Variants in NR5A2 observed in about 807,000 individuals in gnomAD.
The protein encoded by NR5A2 is nuclear receptor subfamily 5 group A member 2.
NR5A2 carries 26 observed loss-of-function variants against 62.7 expected under a neutral mutation model. That is an observed-to-expected ratio of 0.41 (90% CI 0.30 to 0.58). The LOEUF is 0.58. Ranked by LOEUF, NR5A2 falls within the 20% of genes least tolerant of loss-of-function variation. The probability of loss-of-function intolerance (pLI) is 0.22; values close to 1 mark genes in which losing one functional copy is unlikely to be tolerated. For synonymous variants in NR5A2, 246 were observed against 241.7 expected, an observed-to-expected ratio of 1.02 and a Z score of -0.16; for missense variants, 541 against 669.1, an observed-to-expected ratio of 0.81 and a Z score of 2.11.
intron 7 of NR5A2, among the ~76,000 whole-genome samples, chr1:200,124,160 T>G (rs1196638995): frequency 6.6e-6 from 1 of 152,056 alleles, no homozygotes; most frequent in East Asian, 1.9e-4. Flanking sequence ...ACAAACCAGT[T>G]ATAGGTTTCA....
intron 1 of NR5A2, chr1:200,029,084 T>C: frequency 2.2e-6 from 1 of 446,396 alleles, no homozygotes; most frequent in Non-Finnish European, 4.5e-6. Context: ...CACACAACCA[T>C]TTCGCATCTT....
At chr1:200,104,489 T>A (rs1665548504) in intron 5 of NR5A2, among the ~76,000 whole-genome samples, 1 of 152,196 alleles carries the variant, frequency 6.6e-6, no homozygotes, top group Admixed American at 6.5e-5. Context: ...GTTTTAATTT[T>A]TCTCTCCCCT....
At chr1:200,164,867 GTTTTTTTT>G (rs56818276) in intron 7 of NR5A2, among the ~76,000 whole-genome samples, 4 of 63,896 alleles carry the variant, frequency 6.3e-5, no homozygotes, top group Admixed American at 3.7e-4. Context: ...TTTTAGAGCA[GTTTTTTTT>G]TTTTTTTTTT....
At chr1:200,148,259 A>G in intron 7 of NR5A2, 1 of 209,866 alleles carries the variant, frequency 4.8e-6, no homozygotes, top group Non-Finnish European at 1.0e-5. Flanking sequence ...CGGCCACAGC[A>G]TTCCCTCGGA....
At chr1:200,096,926 C>G (rs1328029443) in intron 5 of NR5A2, among the ~76,000 whole-genome samples, 1 of 152,170 alleles carries the variant, frequency 6.6e-6, no homozygotes, top group African/African-American at 2.4e-5. Flanking sequence ...TAGGTTCACT[C>G]TCTGCTGTTC....
At chr1:200,126,036 C>T (rs1016359083) in intron 7 of NR5A2, among the ~76,000 whole-genome samples, 1 of 152,052 alleles carries the variant, frequency 6.6e-6, no homozygotes, top group Non-Finnish European at 1.5e-5. Context: ...TTTATAGAGA[C>T]AGGGTCTCAC....
chr1:200,169,502 G>A (rs1434203282), intron 7 of NR5A2, among the ~76,000 whole-genome samples: 3 of 152,172 alleles, frequency 2.0e-5, no homozygotes, highest in African/African-American at 7.2e-5. Context: ...TTCCTCTTCA[G>A]AGAGAGCCTG....
Position 200,147,440 on chromosome 1 carries a change from C to A in NR5A2, c.1378+26485C>A. The A allele has an allele frequency of 1.9e-6, 1 of 520,234 alleles. No homozygotes were observed. Among genetic ancestry groups the A allele is most frequent in the Non-Finnish European group, 3.7e-6 (1 of 269,266 alleles). 32.2% of individuals were successfully genotyped at this position (520,234 alleles called of 1,614,324 possible). A position where few individuals can be genotyped will look rare whatever the true frequency, so the allele number is the denominator to read the frequency against. On this transcript the variant is annotated intron_variant, in intron 7 of 7. Coordinates refer to ENST00000367362, the MANE Select transcript of NR5A2 (RefSeq NM_205860.3). The surrounding 1 kb of genome is among the most constrained non-coding windows in gnomAD (Gnocchi z 4.9). ...GCAGGCAGCTTATCTGTTTATGGGG[C>A]TGCCTCCTCCAGTACACGGAGAGCT...
At chr1:200,107,163 T>C (rs555440279) in intron 5 of NR5A2, among the ~76,000 whole-genome samples, 1 of 106,706 alleles carries the variant, frequency 9.4e-6, no homozygotes, top group Non-Finnish European at 1.9e-5. Context: ...CCTGTAAAGA[T>C]TGTCATTAAT....
chr1:200,083,631 ATATACAGTAT>A (rs201449315), intron 5 of NR5A2, among the ~76,000 whole-genome samples: 13,406 of 125,024 alleles, frequency 0.11, 686 homozygotes, highest in East Asian at 0.18. Flanking sequence ...AAGTATATAT[ATATACAGTAT>A]TGTACAGTAT....
intron 7 of NR5A2, among the ~76,000 whole-genome samples, chr1:200,159,796 C>T (rs1040239577): frequency 1.3e-5 from 2 of 151,686 alleles, no homozygotes; most frequent in Non-Finnish European, 2.9e-5. Context: ...GAATTACAGG[C>T]GCGAGCCACC....
intron 5 of NR5A2, among the ~76,000 whole-genome samples, chr1:200,082,321 A>G (rs1278031378): frequency 6.6e-6 from 1 of 152,226 alleles, no homozygotes; most frequent in Admixed American, 6.5e-5. Flanking sequence ...TTATGATCAT[A>G]TTTTTGTATA....
chr1:200,092,141 C>G (rs1664847440), intron 5 of NR5A2, among the ~76,000 whole-genome samples: 1 of 152,166 alleles, frequency 6.6e-6, no homozygotes, highest in Admixed American at 6.5e-5. Flanking sequence ...GGGTTTCCTG[C>G]ATAGACACAT....
In NR5A2 at chr1:200,048,072, C is replaced by A. The variant is rs1662455500; in HGVS notation, c.464-100C>A. The A allele has an allele frequency of 8.7e-7, 1 of 1,143,350 alleles. No homozygotes were observed. The highest frequency in any genetic ancestry group is 1.2e-6 in the Non-Finnish European group (1 of 802,908). The allele number at this position is 1,143,350 out of a possible 1,614,324, so 70.8% of individuals were successfully genotyped here. A position where few individuals can be genotyped will look rare whatever the true frequency, so the allele number is the denominator to read the frequency against. ...TGTAACGAAAACAACCACACACATA[C>A]CACTTCTTGTCGATTTACATTTCTA... On this transcript the variant is annotated intron_variant, in intron 4 of 7. Transcript: ENST00000367362. This position sits in a 1 kb window ranked among gnomAD's most constrained non-coding sequence, Gnocchi z 4.8.
chr1:200,101,417 G>A (rs1665360172), intron 5 of NR5A2, among the ~76,000 whole-genome samples: 1 of 152,132 alleles, frequency 6.6e-6, no homozygotes, highest in Non-Finnish European at 1.5e-5. Flanking sequence ...CAGGGGCTAG[G>A]TAGGCTATGA....
At chr1:200,059,101 C>A (rs1663067922) in intron 5 of NR5A2, among the ~76,000 whole-genome samples, 1 of 151,910 alleles carries the variant, frequency 6.6e-6, no homozygotes, top group South Asian at 2.1e-4. Context: ...CAGAGTGAGA[C>A]TTTGTCTTAA....
At chr1:200,143,638 A>ATTT (rs11285826) in intron 7 of NR5A2, among the ~76,000 whole-genome samples, 18 of 103,290 alleles carry the variant, frequency 1.7e-4, no homozygotes, top group African/African-American at 4.3e-4. Context: ...ATTGTTCATA[A>ATTT]TTTTTTTTTT....
rs768098245 is a variant in NR5A2, at chr1:200,120,921, C to T, written c.1344C>T (p.Phe448=). Residue 448 remains phenylalanine, a synonymous_variant, in exon 7 of 8, where the codon TTC becomes TTT. Coordinates refer to ENST00000367362, the MANE Select transcript of NR5A2 (RefSeq NM_205860.3). ...LRSLQFDQRE[F]VCLKFLVLFS... is the part of the protein sequence containing the mutation. Reference sequence around the variant, plus strand: ...CTCTCCAGTTTGATCAACGAGAGTTCGTATGTCTGAAATTCTTGGTGCTCT... The same window carrying T: ...CTCTCCAGTTTGATCAACGAGAGTTTGTATGTCTGAAATTCTTGGTGCTCT... The T allele has an allele frequency of 4.3e-6, 7 of 1,613,846 alleles. No homozygotes were observed. The South Asian group carries it at 4.4e-5, about 10-fold the overall frequency.
chr1:200,040,005 A>T (rs1661991115), intron 2 of NR5A2, among the ~76,000 whole-genome samples: 1 of 152,186 alleles, frequency 6.6e-6, no homozygotes, highest in African/African-American at 2.4e-5. Context: ...AGCAACGTCT[A>T]ATTGGCCGCT....
Sources: allele counts gnomAD v4.1 joint callset (sites outside exome capture counted in the v4.1 genomes callset), GRCh38; gene constraint gnomAD v4.1.1; non-coding constraint Gnocchi (gnomAD v3.1); transcripts MANE v1.5; gene names NCBI Gene and HGNC (gene_info 2026-07-23, HGNC 2026-07-21).